The following IL6R variants were observed in gnomAD, a reference collection of about 807,000 sequenced individuals.
IL6R encodes interleukin 6 receptor.
A neutral mutation model predicts 48.3 loss-of-function variants in IL6R; 38 were observed. That is an observed-to-expected ratio of 0.79 (90% CI 0.61 to 1.03). The LOEUF (loss-of-function observed/expected upper bound fraction) is 1.03. Ranked by LOEUF, IL6R falls within the 50% of genes least tolerant of loss-of-function variation. IL6R has a pLI of 0.00. For synonymous variants in IL6R, 264 were observed against 256.2 expected (o/e 1.03, Z -0.29); for missense variants, 534 against 618.3 (o/e 0.86, Z 1.45).
intron 5 of IL6R, 105 bp from the exon 6 acceptor site, chr1:154,435,864 T>G (rs4845371): frequency 9.7e-7 from 1 of 1,027,026 alleles, no homozygotes; most frequent in Non-Finnish European, 1.4e-6. Flanking sequence ...TAGAGGCCTC[T>G]GCCAGCTGAA....
intron 5 of IL6R, 138 bp from the exon 6 acceptor site, chr1:154,435,831 G>A: frequency 1.5e-6 from 1 of 678,954 alleles, no homozygotes; most frequent in Non-Finnish European, 2.4e-6. Flanking sequence ...CTCTAGCAGA[G>A]CCTCTGGGGT....
At chr1:154,460,148 A>T (rs1449391633) in intron 9 of IL6R, among the ~76,000 whole-genome samples, 4 of 152,228 alleles carry the variant, frequency 2.6e-5, no homozygotes, top group Non-Finnish European at 5.9e-5. Flanking sequence ...TCTTTAAATG[A>T]AACTTTTTGA....
intron 6 of IL6R, among the ~76,000 whole-genome samples, chr1:154,447,476 T>TATATATACAC (rs1424013885): frequency 6.3e-4 from 43 of 68,732 alleles, no homozygotes; most frequent in East Asian, 8.8e-4. Context: ...TATATATATA[T>TATATATACAC]ACACACACAC....
intron 6 of IL6R, among the ~76,000 whole-genome samples, chr1:154,441,798 GC>G (rs779095762): frequency 4.6e-5 from 7 of 152,076 alleles, no homozygotes; most frequent in Non-Finnish European, 1.0e-4. Context: ...GGGAGTGGTG[GC>G]CTTTGGGAGA....
At chr1:154,406,364 T>G (rs1687719922) in intron 1 of IL6R, 1 of 152,328 alleles carries the variant, frequency 6.6e-6, no homozygotes, top group Admixed American at 6.5e-5. Context: ...GAGTGAGACC[T>G]CCTGGGGCTG....
At chr1:154,423,146 A>G (rs1570939639) in intron 1 of IL6R, among the ~76,000 whole-genome samples, 1 of 151,018 alleles carries the variant, frequency 6.6e-6, no homozygotes, top group African/African-American at 2.4e-5. Flanking sequence ...GTATTGAAAA[A>G]TCCACCCTCA....
chr1:154,446,640 A>G (rs750194936), intron 6 of IL6R, among the ~76,000 whole-genome samples: 22 of 152,186 alleles, frequency 1.4e-4, no homozygotes, highest in Non-Finnish European at 2.8e-4. Flanking sequence ...TTCCGCAGAA[A>G]CACTGTTCCC....
At chr1:154,406,154 G>T (rs1356872473) in intron 1 of IL6R, among the ~76,000 whole-genome samples, 1 of 152,200 alleles carries the variant, frequency 6.6e-6, no homozygotes, top group Non-Finnish European at 1.5e-5. Flanking sequence ...TTCTCCCTCT[G>T]CATTGGGGGT....
intron 1 of IL6R, among the ~76,000 whole-genome samples, chr1:154,417,103 C>T (rs1688400149): frequency 6.6e-6 from 1 of 152,134 alleles, no homozygotes; most frequent in South Asian, 2.1e-4. Context: ...GCCCTCCTGC[C>T]ACCTTCCAGA....
chr1:154,434,039 C>T (rs1164169806), intron 3 of IL6R, among the ~76,000 whole-genome samples: 1 of 151,714 alleles, frequency 6.6e-6, no homozygotes, highest in Non-Finnish European at 1.5e-5. Flanking sequence ...ATTTCTCAGT[C>T]TTAACAGAAC....
At chr1:154,465,103 G>A in intron 9 of IL6R, 31 bp from the exon 10 acceptor site, 1 of 1,612,882 alleles carries the variant, frequency 6.2e-7, no homozygotes. Context: ...CTAAAAATCT[G>A]TGTGGTTTGT....
chr1:154,452,752 A>C (rs1221421486), intron 8 of IL6R, among the ~76,000 whole-genome samples: 1 of 150,996 alleles, frequency 6.6e-6, no homozygotes, highest in Non-Finnish European at 1.5e-5. Flanking sequence ...AATAGGGTGA[A>C]CCCGGGAGGC....
rs946147738 is a variant in IL6R at position 154,465,379 on chromosome 1, A to G, written c.1406A>G (p.Ter469TrpextTer13). 1.9e-6 allele frequency: 3 copies of G among 1,613,998 alleles called. No homozygotes were observed. Among genetic ancestry groups the G allele is most frequent in the Non-Finnish European group, 2.5e-6 (3 of 1,180,008 alleles). Residue 469 changes from the stop codon to tryptophan, a stop_lost, in exon 10 of 10, where the codon TAG (stop) becomes TGG (tryptophan). Transcript: ENST00000368485. ...AATACAGACTACTTCTTCCCCAGAT[A>G]GCTGGCTGGGTGGCACCAGCAGCCT... is the stretch of plus-strand genomic sequence containing the variant. ...ISNTDYFFPR* is the reference protein window; with the variant it reads ...ISNTDYFFPRW
chr1:154,405,944 C>G lies in IL6R; in HGVS notation c.85+230C>G, dbSNP rs912663203. On this transcript the variant is annotated intron_variant, in intron 1 of 9. Coordinates refer to ENST00000368485, the MANE Select transcript of IL6R (RefSeq NM_000565.4). The surrounding 1 kb of genome is among the most constrained non-coding windows in gnomAD (Gnocchi z 5.2). Reference sequence around the variant, plus strand: ...GGTCCGGAGCGCTCCCCGGAATGCCCGGTGAAGCTGTGCGGGAACCCTGCG... The same window carrying G: ...GGTCCGGAGCGCTCCCCGGAATGCCGGGTGAAGCTGTGCGGGAACCCTGCG... Among the ~76,000 whole-genome samples, 1 of 152,176 alleles carries G rather than the reference C, an allele frequency of 6.6e-6. No homozygotes were observed. Among genetic ancestry groups the G allele is most frequent in the Non-Finnish European group, 1.5e-5 (1 of 68,014 alleles).
chr1:154,450,649 A>G (rs1160624203), intron 8 of IL6R, among the ~76,000 whole-genome samples: 2 of 152,232 alleles, frequency 1.3e-5, no homozygotes, highest in South Asian at 2.1e-4. Context: ...CTTGATTTCA[A>G]TGCTTTTGAT....
chr1:154,441,104 C>G (rs548145558), intron 6 of IL6R, among the ~76,000 whole-genome samples: 1 of 152,366 alleles, frequency 6.6e-6, no homozygotes, highest in Admixed American at 6.5e-5. Context: ...TCCTAGTCTG[C>G]TCTCTCTGAA....
intron 1 of IL6R, among the ~76,000 whole-genome samples, chr1:154,410,982 A>C (rs1687987197): frequency 1.3e-5 from 2 of 152,210 alleles, no homozygotes; most frequent in African/African-American, 4.8e-5. Flanking sequence ...AGGTGAGAGA[A>C]GTGCTGGCCC....
intron 1 of IL6R, chr1:154,414,788 T>C: frequency 5.2e-6 from 4 of 762,604 alleles, no homozygotes; most frequent in Non-Finnish European, 9.6e-6. Context: ...TCCAGCTCCA[T>C]GTGGAACTCA....
In IL6R at chr1:154,434,536, A is replaced by G. The variant is rs1689496030; in HGVS notation, c.476A>G (p.Glu159Gly). ...TCTAACAGTCAGAACAGTCCGGCCG[A>G]AGACTTCCAGGAGCCGTGCCAGTAT... ...LVRKFQNSPAEDFQEPCQYSQ... is the reference protein window; with the variant it reads ...LVRKFQNSPAGDFQEPCQYSQ... The change falls in exon 4 of 10, where the codon GAA becomes GGA. Residue 159 changes from glutamate (E) to glycine (G), a missense_variant. Coordinates refer to ENST00000368485, the MANE Select transcript of IL6R (RefSeq NM_000565.4). 6.2e-7 allele frequency: 1 copy of G among 1,613,632 alleles called. No homozygotes were observed. The highest frequency in any genetic ancestry group is 1.3e-5 in the African/African-American group (1 of 74,850).
Sources: allele counts gnomAD v4.1 joint callset (sites outside exome capture counted in the v4.1 genomes callset), GRCh38; gene constraint gnomAD v4.1.1; non-coding constraint Gnocchi (gnomAD v3.1); transcripts MANE v1.5; gene names NCBI Gene and HGNC (gene_info 2026-07-23, HGNC 2026-07-21).